Variants in DYSF observed in about 807,000 individuals in gnomAD.
The protein encoded by DYSF is dystrophy-associated fer-1-like 1.
DYSF carries 212 observed loss-of-function variants against 274.9 expected under a neutral mutation model. The ratio of observed to expected loss-of-function variants is 0.77; its 90% CI spans 0.69 to 0.86. The LOEUF (loss-of-function observed/expected upper bound fraction) is 0.86, where lower values mean the gene tolerates loss of function less well. DYSF is among the 40% of genes least tolerant of loss of function. DYSF has a pLI of 0.00. For synonymous variants in DYSF, 1,091 were observed against 1,078.7 expected, an observed-to-expected ratio of 1.01 and a Z score of -0.22; for missense variants, 2,666 against 2,783.2, an observed-to-expected ratio of 0.96 and a Z score of 0.95.
intron 3 of DYSF, among the ~76,000 whole-genome samples, chr2:71,483,242 T>C (rs2083082606): frequency 6.6e-6 from 1 of 152,176 alleles, no homozygotes. Flanking sequence ...TTCCAGCTGT[T>C]GACCTCAGAC....
intron 11 of DYSF, among the ~76,000 whole-genome samples, chr2:71,520,489 G>A (rs759761138): frequency 6.6e-6 from 1 of 152,198 alleles, no homozygotes; most frequent in Non-Finnish European, 1.5e-5. Context: ...GGTCATTTGG[G>A]TGACAAGCCA....
chr2:71,540,377 G>A (rs2089828837), intron 17 of DYSF, among the ~76,000 whole-genome samples: 1 of 151,928 alleles, frequency 6.6e-6, no homozygotes, highest in Admixed American at 6.6e-5. Context: ...CCAAAGTGCT[G>A]GGATTACAGG....
At chr2:71,495,500 G>T (rs1329121801) in intron 3 of DYSF, among the ~76,000 whole-genome samples, 1 of 152,224 alleles carries the variant, frequency 6.6e-6, no homozygotes, top group Non-Finnish European at 1.5e-5. Flanking sequence ...GTTGGTGAGT[G>T]TGACATCCTA....
intron 1 of DYSF, among the ~76,000 whole-genome samples, chr2:71,478,265 G>A (rs1315021758): frequency 2.0e-5 from 3 of 149,392 alleles, no homozygotes; most frequent in East Asian, 2.0e-4. Context: ...AGGCTGGAGT[G>A]CAGTGGTGCC....
chr2:71,669,345 C>A, intron 50 of DYSF, 138 bp downstream of exon 50: 1 of 914,062 alleles, frequency 1.1e-6, no homozygotes, highest in Non-Finnish European at 1.7e-6. Context: ...TGGGGGTGGT[C>A]CCTGCCTTTG....
intron 17 of DYSF, among the ~76,000 whole-genome samples, chr2:71,550,387 G>A (rs1451627228): frequency 6.6e-6 from 1 of 152,232 alleles, no homozygotes; most frequent in African/African-American, 2.4e-5. Context: ...GACCTGCTCT[G>A]TTAAAAAATT....
Position 71,565,675 on chromosome 2 carries a change from A to C in DYSF, c.2565+1462A>C, listed in dbSNP as rs142275809. On this transcript the variant is annotated intron_variant, in intron 24 of 55. Transcript: ENST00000410020. Reference sequence around the variant, plus strand: ...GGGGGGTGTGGAGAGGGCAGGTTTCAGTAGCACAGAGGATGCCAGGGCTGG... The same window carrying C: ...GGGGGGTGTGGAGAGGGCAGGTTTCCGTAGCACAGAGGATGCCAGGGCTGG... 8.3e-3 allele frequency among the ~76,000 whole-genome samples: 1,261 copies of C among 152,312 alleles called. 14 individuals are homozygous for C. The highest frequency in any genetic ancestry group is 0.029 in the African/African-American group (1,202 of 41,562).
intron 55 of DYSF, among the ~76,000 whole-genome samples, chr2:71,683,193 G>A (rs1317438609): frequency 6.6e-6 from 1 of 152,184 alleles, no homozygotes; most frequent in African/African-American, 2.4e-5. Flanking sequence ...CCTGCAGCAG[G>A]TGGGCATAGG....
chr2:71,570,730 G>A lies in DYSF; in HGVS notation c.3217G>A (p.Ala1073Thr). 3 of 1,613,890 alleles carry A rather than the reference G, an allele frequency of 1.9e-6. No individual in the cohort carries two copies. Among genetic ancestry groups the A allele is most frequent in the Non-Finnish European group, 2.5e-6 (3 of 1,179,940 alleles). ...LRRRDLSQME[A>T]LKRHRQAEAE... is the part of the protein sequence containing the mutation. ...CAGGAGGGATCTCAGCCAAATGGAA[G>A]CACTGAAAAGGGTGAGCCAGCAGGT... The change falls in exon 29 of 56, where the codon GCA (alanine) becomes ACA (threonine). Residue 1073 changes from alanine (A) to threonine (T), a missense_variant. Physicochemically the swap from Ala to Thr is moderately conservative, Grantham distance 58. Coordinates refer to ENST00000410020, the MANE Select transcript of DYSF (RefSeq NM_001130987.2).
intron 52 of DYSF, among the ~76,000 whole-genome samples, chr2:71,676,168 T>C (rs1405203473): frequency 6.6e-6 from 1 of 152,194 alleles, no homozygotes; most frequent in Admixed American, 6.5e-5. Context: ...TATCTTTCCT[T>C]AACTCTGAGA....
chr2:71,465,113 T>A (rs1409259203), upstream of DYSF, among the ~76,000 whole-genome samples: 1 of 152,134 alleles, frequency 6.6e-6, no homozygotes, highest in African/African-American at 2.4e-5. Context: ...CGGTGTGCTT[T>A]CTTGAGAGCA....
rs2152859973 is a variant in DYSF, at chr2:71,601,498, G to C, written c.3898-1G>C. 1.2e-6 allele frequency: 2 copies of C among 1,614,226 alleles called. No individual in the cohort carries two copies. Among genetic ancestry groups the C allele is most frequent in the South Asian group, 2.2e-5 (2 of 91,086 alleles). On this transcript the variant is annotated splice_acceptor_variant, in intron 34 of 55. Coordinates refer to ENST00000410020, the MANE Select transcript of DYSF (RefSeq NM_001130987.2). LOFTEE classifies it high-confidence loss of function. Reference sequence around the variant, plus strand: ...CCAGAGCTCTCTTTTCTTCACTCCAGCCGGCCATCCACCATATTCCTGGTT... The same window carrying C: ...CCAGAGCTCTCTTTTCTTCACTCCACCCGGCCATCCACCATATTCCTGGTT...
intron 4 of DYSF, 119 bp downstream of exon 4, chr2:71,503,438 C>T: frequency 1.0e-6 from 1 of 994,106 alleles, no homozygotes. Context: ...TTGAAGCAGG[C>T]CTGGCCCTCC....
intron 32 of DYSF, among the ~76,000 whole-genome samples, chr2:71,594,744 C>G (rs2093360089): frequency 6.6e-6 from 1 of 152,144 alleles, no homozygotes; most frequent in African/African-American, 2.4e-5. Context: ...GCCCCCTTTT[C>G]CTTGGTCTGC....
At chr2:71,608,265 C>A (rs934063) in intron 36 of DYSF, among the ~76,000 whole-genome samples, 1 of 142,168 alleles carries the variant, frequency 7.0e-6, no homozygotes, top group African/African-American at 3.1e-5. Flanking sequence ...GAGGAGGGCG[C>A]GGGTGGATTT....
At chr2:71,580,460 G>T (rs2092852507) in intron 30 of DYSF, among the ~76,000 whole-genome samples, 1 of 152,250 alleles carries the variant, frequency 6.6e-6, no homozygotes, top group Non-Finnish European at 1.5e-5. Context: ...GTCAGATGTG[G>T]ATGGGGAGGG....
intron 30 of DYSF, among the ~76,000 whole-genome samples, chr2:71,585,577 T>G (rs1370650969): frequency 2.6e-5 from 4 of 152,116 alleles, no homozygotes. Context: ...AAAACCAGAA[T>G]GTACTTCAAA....
intron 38 of DYSF, 124 bp downstream of exon 38, chr2:71,611,750 C>T (rs756863971): frequency 8.7e-6 from 11 of 1,266,226 alleles, no homozygotes; most frequent in Non-Finnish European, 1.1e-5. Flanking sequence ...CCCTCACTTT[C>T]CTGTGAACAT....
chr2:71,640,141 C>T (rs1348483752), intron 41 of DYSF, among the ~76,000 whole-genome samples: 2 of 152,206 alleles, frequency 1.3e-5, no homozygotes, highest in Non-Finnish European at 2.9e-5. Flanking sequence ...CTGGCTCTCA[C>T]CCACCCTGCT....
Sources: allele counts gnomAD v4.1 joint callset (sites outside exome capture counted in the v4.1 genomes callset), GRCh38; gene constraint gnomAD v4.1.1; transcripts MANE v1.5; gene names NCBI Gene and HGNC (gene_info 2026-07-23, HGNC 2026-07-21).